SKAP2: variants seen among roughly 807,000 people sequenced by gnomAD.
SKAP2 encodes src kinase associated phosphoprotein 2.
SKAP2 carries 28 observed loss-of-function variants against 54.9 expected under a neutral mutation model. That is an observed-to-expected ratio of 0.51 (90% CI 0.38 to 0.70). The LOEUF is 0.70. Ranked by LOEUF, SKAP2 falls within the 30% of genes least tolerant of loss-of-function variation. The pLI is 0.00. For missense variants in SKAP2, 356 were observed against 424.1 expected, an observed-to-expected ratio of 0.84 and a Z score of 1.41; for synonymous variants, 137 against 134.3, an observed-to-expected ratio of 1.02 and a Z score of -0.14.
chr7:26,729,180 A>G (rs1377108895), intron 6 of SKAP2, among the ~76,000 whole-genome samples: 3 of 152,116 alleles, frequency 2.0e-5, no homozygotes, highest in Non-Finnish European at 2.9e-5. Flanking sequence ...CTATGGGGCT[A>G]TGTATCAGAA....
chr7:26,745,200 C>T (rs919990899), intron 4 of SKAP2, among the ~76,000 whole-genome samples: 1 of 152,058 alleles, frequency 6.6e-6, no homozygotes, highest in African/African-American at 2.4e-5. Flanking sequence ...TTTCCTTTTC[C>T]CTTATATTGG....
chr7:26,783,723 A>T (rs187685180), intron 4 of SKAP2, among the ~76,000 whole-genome samples: 257 of 152,244 alleles, frequency 1.7e-3, no homozygotes, highest in Admixed American at 3.3e-3. Context: ...AGGGACCAGA[A>T]ACCTAAAAGC....
intron 1 of SKAP2, chr7:26,857,875 A>G (rs2127999300): frequency 4.1e-6 from 1 of 244,908 alleles, no homozygotes; most frequent in South Asian, 1.5e-4. Flanking sequence ...CAAACGGTAA[A>G]CTAGCAAGCA....
chr7:26,661,185 C>T, the SKAP2 span, among the ~76,000 whole-genome samples: 30 of 152,024 alleles, frequency 2.0e-4, no homozygotes, highest in African/African-American at 6.5e-4. Context: ...AAAGTTATAA[C>T]ATTAAAGCAT....
Position 26,671,486 on chromosome 7 carries a change from G to A in SKAP2, c.988-1294C>T, listed in dbSNP as rs190141811. Among the ~76,000 whole-genome samples, 151 of 152,086 alleles carry A rather than the reference G, an allele frequency of 9.9e-4. 1 individual carries two copies. Among genetic ancestry groups the A allele is most frequent in the African/African-American group, 3.3e-3 (139 of 41,536 alleles). ...AATACAAATGTAGCATTACATTAGC[G>A]TGTATGTATTGATATGTAGTCTATC... On this transcript the variant is annotated intron_variant, in intron 11 of 12. Transcript: ENST00000345317.
intron 6 of SKAP2, among the ~76,000 whole-genome samples, chr7:26,732,126 G>A (rs1019626116): frequency 6.6e-6 from 1 of 152,166 alleles, no homozygotes; most frequent in African/African-American, 2.4e-5. Context: ...ACAGAAGCTG[G>A]AGAGAGATGG....
At chr7:26,655,181 CCTCT>C in the SKAP2 span, among the ~76,000 whole-genome samples, 2 of 152,182 alleles carry the variant, frequency 1.3e-5, no homozygotes, top group Non-Finnish European at 1.5e-5. Context: ...TGTGCAAAAG[CCTCT>C]CTCTTAAATA....
the SKAP2 span, among the ~76,000 whole-genome samples, chr7:26,658,831 C>CT: frequency 2.3e-3 from 324 of 143,684 alleles, 3 homozygotes; most frequent in African/African-American, 8.0e-3. Flanking sequence ...CCACCCCCCA[C>CT]CCCCCCACCA....
At chr7:26,716,760 A>G (rs1313924793) in intron 9 of SKAP2, among the ~76,000 whole-genome samples, 1 of 152,204 alleles carries the variant, frequency 6.6e-6, no homozygotes, top group East Asian at 1.9e-4. Flanking sequence ...TAAAATTTTA[A>G]CATACATTTC....
At chr7:26,735,612 G>A (rs1471023279) in intron 6 of SKAP2, among the ~76,000 whole-genome samples, 6 of 152,138 alleles carry the variant, frequency 3.9e-5, no homozygotes, top group Non-Finnish European at 8.8e-5. Context: ...AGTAAGTGGT[G>A]TCAACTCCTT....
intron 1 of SKAP2, among the ~76,000 whole-genome samples, chr7:26,856,215 G>A (rs908527382): frequency 6.6e-6 from 1 of 152,076 alleles, no homozygotes; most frequent in African/African-American, 2.4e-5. Context: ...CTTATGGTTT[G>A]AAGTCTATTA....
intron 4 of SKAP2, 49 bp from the exon 5 acceptor site, chr7:26,740,013 C>G: frequency 8.4e-7 from 1 of 1,185,058 alleles, no homozygotes; most frequent in African/African-American, 1.5e-5. Flanking sequence ...TAATCCATTT[C>G]AGAATAAACA....
intron 3 of SKAP2, among the ~76,000 whole-genome samples, chr7:26,851,662 A>C (rs996205056): frequency 4.6e-5 from 7 of 151,770 alleles, no homozygotes; most frequent in Non-Finnish European, 7.4e-5. Flanking sequence ...ACATGTATAC[A>C]TATGTAACAA....
At position 26,864,480 on chromosome 7, in the gene SKAP2, C is replaced by G. The variant is rs1785334245; in HGVS notation, c.-51G>C. Reference sequence around the variant, plus strand: ...AAAGGACCTGCGCTGAAAAGGTGACCGACGGGGTGGGGCTGCGGCTGCGAC... The same window carrying G: ...AAAGGACCTGCGCTGAAAAGGTGACGGACGGGGTGGGGCTGCGGCTGCGAC... On this transcript the variant is annotated 5_prime_UTR_variant, in exon 1 of 13. Transcript: ENST00000345317. 6.4e-7 allele frequency: 1 copy of G among 1,551,288 alleles called. No homozygotes were observed. The highest frequency in any genetic ancestry group is 1.4e-5 in the African/African-American group (1 of 72,128).
At chr7:26,746,730 C>T (rs1329250077) in intron 4 of SKAP2, 2 of 151,214 alleles carry the variant, frequency 1.3e-5, no homozygotes, top group Non-Finnish European at 2.9e-5. Flanking sequence ...CTCCTAATTC[C>T]AGGACTTCAT....
At chr7:26,812,929 T>C (rs530665408) in intron 4 of SKAP2, among the ~76,000 whole-genome samples, 1 of 152,242 alleles carries the variant, frequency 6.6e-6, no homozygotes, top group Non-Finnish European at 1.5e-5. Flanking sequence ...CTTTTCTCAC[T>C]TGTTTCTTAA....
rs772763425 is a variant in SKAP2, at chr7:26,739,941, C to A, written c.331G>T (p.Ala111Ser). The A allele has an allele frequency of 6.2e-7, 1 of 1,610,688 alleles. No individual in the cohort carries two copies. Among genetic ancestry groups the A allele is most frequent in the Non-Finnish European group, 8.5e-7 (1 of 1,178,798 alleles). ...TTTAGAACAAAAGGAAGGTCTTGTG[C>A]TGCAATTGGAGGAAACTGGGCTCCT... is the stretch of plus-strand genomic sequence containing the variant. ...SDGAQFPPIA[A>S]QDLPFVLKAG... Residue 111 changes from alanine to serine, a missense_variant, in exon 5 of 13, where the codon GCA becomes TCA. Coordinates refer to ENST00000345317, the MANE Select transcript of SKAP2 (RefSeq NM_003930.5).
chr7:26,821,655 T>A (rs984707584), intron 4 of SKAP2, among the ~76,000 whole-genome samples: 1 of 152,194 alleles, frequency 6.6e-6, no homozygotes, highest in African/African-American at 2.4e-5. Flanking sequence ...TCCTTCAAGC[T>A]CAACAAACTT....
Position 26,727,017 on chromosome 7 carries a change from T to A in SKAP2, c.470-11A>T, listed in dbSNP as rs1439314825. The A allele has an allele frequency of 1.3e-6, 2 of 1,579,074 alleles. No individual in the cohort carries two copies. Among genetic ancestry groups the A allele is most frequent in the Non-Finnish European group, 1.7e-6 (2 of 1,165,418 alleles). ...CTTTCTGTTGTTTGTCTGTTGAAGA[T>A]AAAACCAGTTAGAATTTCATTTACT... On this transcript the variant is annotated splice_polypyrimidine_tract_variant and intron_variant, in intron 6 of 12. Coordinates refer to ENST00000345317, the MANE Select transcript of SKAP2 (RefSeq NM_003930.5).
Sources: allele counts gnomAD v4.1 joint callset (sites outside exome capture counted in the v4.1 genomes callset), GRCh38; gene constraint gnomAD v4.1.1; transcripts MANE v1.5; gene names NCBI Gene and HGNC (gene_info 2026-07-23, HGNC 2026-07-21).